Variants in FAM193A observed in about 807,000 individuals in gnomAD.
FAM193A encodes protein FAM193A.
A neutral mutation model predicts 126.5 loss-of-function variants in FAM193A; 22 were observed. The ratio of observed to expected loss-of-function variants is 0.17; its 90% CI spans 0.12 to 0.25. FAM193A has a LOEUF of 0.25. FAM193A is among the 10% of genes least tolerant of loss of function. The pLI, the probability that FAM193A is intolerant of heterozygous loss-of-function variation, is 1.00. For synonymous variants in FAM193A, 761 were observed against 646.8 expected, an observed-to-expected ratio of 1.18 and a Z score of -2.68; for missense variants, 1,675 against 1,672.8, an observed-to-expected ratio of 1.00 and a Z score of -0.02.
intron 20 of FAM193A, among the ~76,000 whole-genome samples, chr4:2,722,364 C>T (rs1235230010): frequency 1.3e-5 from 2 of 152,164 alleles, no homozygotes; most frequent in Non-Finnish European, 2.9e-5. Context: ...GAGCTCTGTG[C>T]CCATGCTGCA....
intron 2 of FAM193A, among the ~76,000 whole-genome samples, chr4:2,624,149 A>G (rs1742734680): frequency 1.3e-5 from 2 of 150,686 alleles, no homozygotes; most frequent in African/African-American, 4.9e-5. Context: ...TTGGCGTGGG[A>G]CATAGGAAGG....
intron 1 of FAM193A, among the ~76,000 whole-genome samples, chr4:2,546,865 A>G (rs1359621999): frequency 6.6e-6 from 1 of 152,140 alleles, no homozygotes; most frequent in Admixed American, 6.6e-5. Context: ...CATTTTGCCT[A>G]CTCACGCAAT....
chr4:2,695,566 A>T (rs1450099671), intron 17 of FAM193A, among the ~76,000 whole-genome samples: 1 of 152,188 alleles, frequency 6.6e-6, no homozygotes, highest in African/African-American at 2.4e-5. Flanking sequence ...TTTAAGAGGG[A>T]TGGGTGACAG....
intron 1 of FAM193A, among the ~76,000 whole-genome samples, chr4:2,579,814 T>C (rs4571398): frequency 0.068 from 10,416 of 152,240 alleles, 622 homozygotes; most frequent in African/African-American, 0.16. Flanking sequence ...AAAGGAACGC[T>C]TATACACTGT....
intron 12 of FAM193A, among the ~76,000 whole-genome samples, chr4:2,664,331 C>G (rs1712838715): frequency 6.6e-6 from 1 of 152,080 alleles, no homozygotes; most frequent in African/African-American, 2.4e-5. Flanking sequence ...TACGGTTTGT[C>G]AGAAGTACCC....
chr4:2,708,289 C>G (rs1718534689), intron 19 of FAM193A: 1 of 351,934 alleles, frequency 2.8e-6, no homozygotes, highest in South Asian at 2.0e-5. Flanking sequence ...CCATGCCCAG[C>G]TAATTTTTTG....
chr4:2,596,521 C>T (rs1389958106), intron 2 of FAM193A, among the ~76,000 whole-genome samples, 192 bp downstream of exon 2: 1 of 152,246 alleles, frequency 6.6e-6, no homozygotes, highest in Non-Finnish European at 1.5e-5. Flanking sequence ...TGGCAGGACA[C>T]CTGCCCTCCT....
chr4:2,684,289 T>G (rs1254998092), intron 13 of FAM193A, among the ~76,000 whole-genome samples: 1 of 152,330 alleles, frequency 6.6e-6, no homozygotes, highest in East Asian at 1.9e-4. Flanking sequence ...GGATCAGTCC[T>G]CCAGTTAAGT....
At chr4:2,611,148 A>G (rs1257013410) in intron 2 of FAM193A, among the ~76,000 whole-genome samples, 1 of 152,182 alleles carries the variant, frequency 6.6e-6, no homozygotes, top group African/African-American at 2.4e-5. Context: ...GCCACGTATG[A>G]GAGGTCCAGT....
chr4:2,619,106 A>T (rs764232471), intron 2 of FAM193A, among the ~76,000 whole-genome samples: 9 of 151,456 alleles, frequency 5.9e-5, no homozygotes, highest in Non-Finnish European at 1.3e-4. Context: ...TGTTTAGTGT[A>T]TTTTTTTCTT....
intron 19 of FAM193A, chr4:2,708,093 T>C: frequency 2.3e-6 from 1 of 440,076 alleles, no homozygotes; most frequent in South Asian, 1.6e-5. Flanking sequence ...AACTGGTTAT[T>C]TATTTGTGTA....
chr4:2,624,723 A>G (rs1045646382), intron 2 of FAM193A, among the ~76,000 whole-genome samples: 4 of 152,342 alleles, frequency 2.6e-5, no homozygotes, highest in Admixed American at 2.0e-4. Context: ...AAAAATTTAT[A>G]TAGAGATGAG....
rs1738604570 is a variant in FAM193A at position 2,561,397 on chromosome 4, G to GCTCTCAA, written c.255+24228_255+24234dup. The stretch of plus-strand genomic sequence containing the variant: ...AGAGTTTCACCATGTTGGCCAGGCT[G>GCTCTCAA]CTCTCAAACTCCTGCCCTTAAGTGA... On this transcript the variant is annotated intron_variant, in intron 1 of 20. Transcript: ENST00000637812. 2.0e-5 allele frequency among the ~76,000 whole-genome samples: 3 copies of GCTCTCAA among 151,716 alleles called. No homozygotes were observed. In the South Asian group the frequency reaches 6.2e-4, roughly 32 times the overall value.
At chr4:2,556,407 T>C (rs1738263626) in intron 1 of FAM193A, among the ~76,000 whole-genome samples, 1 of 151,756 alleles carries the variant, frequency 6.6e-6, no homozygotes, top group South Asian at 2.1e-4. Flanking sequence ...GGTTTCACCA[T>C]GTTGGCCAGG....
chr4:2,626,293 G>A (rs1039462889), intron 3 of FAM193A, 117 bp from the exon 4 acceptor site: 6 of 625,520 alleles, frequency 9.6e-6, no homozygotes, highest in Admixed American at 2.3e-5. Context: ...CCTGATTGCC[G>A]GCTCCTGGGA....
At chr4:2,663,769 C>G (rs529750140) in intron 12 of FAM193A, among the ~76,000 whole-genome samples, 20 of 152,276 alleles carry the variant, frequency 1.3e-4, no homozygotes, top group African/African-American at 4.8e-4. Flanking sequence ...GAATCCAAGA[C>G]CAGGCTGGCC....
At chr4:2,654,396 T>C (rs1401239565) in intron 7 of FAM193A, 10 of 149,964 alleles carry the variant, frequency 6.7e-5, no homozygotes, top group Non-Finnish European at 1.3e-4. Flanking sequence ...TTTTTTTTTT[T>C]TTTTTGTATT....
intron 1 of FAM193A, among the ~76,000 whole-genome samples, chr4:2,563,204 A>G (rs1264589617): frequency 1.3e-5 from 2 of 152,052 alleles, no homozygotes; most frequent in Non-Finnish European, 2.9e-5. Context: ...CTGCCTCCCA[A>G]AGTGCTGGGA....
chr4:2,617,831 C>T (rs1281108656), intron 2 of FAM193A, among the ~76,000 whole-genome samples: 5 of 152,056 alleles, frequency 3.3e-5, no homozygotes, highest in Admixed American at 2.0e-4. Flanking sequence ...CTTTAAATAG[C>T]GAATTATCTT....
Sources: gnomAD v4.1 joint callset for allele counts (sites outside exome capture counted in the v4.1 genomes callset) on GRCh38, gnomAD v4.1.1 for gene constraint, MANE v1.5 for transcripts, NCBI Gene and HGNC (gene_info 2026-07-23, HGNC 2026-07-21) for gene names.